The following FAM117B variants were observed in gnomAD, a reference collection of about 807,000 sequenced individuals.
FAM117B encodes family with sequence similarity 117 member B.
In FAM117B, 22 loss-of-function variants were observed where a neutral mutation model predicts 52.8. The ratio of observed to expected loss-of-function variants is 0.42; its 90% CI spans 0.30 to 0.59. The LOEUF (loss-of-function observed/expected upper bound fraction) is 0.59, where lower values mean the gene tolerates loss of function less well. Ranked by LOEUF, FAM117B falls within the 20% of genes least tolerant of loss-of-function variation. The probability of loss-of-function intolerance (pLI) is 0.22; values close to 1 mark genes in which losing one functional copy is unlikely to be tolerated. For synonymous variants in FAM117B, 309 were observed against 324.1 expected, an observed-to-expected ratio of 0.95 and a Z score of 0.50; for missense variants, 678 against 802.6, an observed-to-expected ratio of 0.84 and a Z score of 1.88.
chr2:202,700,150 A>C (rs1385248563), intron 2 of FAM117B, among the ~76,000 whole-genome samples: 1 of 152,184 alleles, frequency 6.6e-6, no homozygotes, highest in East Asian at 1.9e-4. Context: ...AATGCCCTCT[A>C]AGGGTCAAGT....
In FAM117B at chr2:202,688,972, T is replaced by C. The variant is rs188699601; in HGVS notation, c.602-6909T>C. On this transcript the variant is annotated intron_variant, in intron 1 of 7. Coordinates refer to ENST00000392238, the MANE Select transcript of FAM117B (RefSeq NM_173511.4). Reference sequence around the variant, plus strand: ...TACCAAATAGGATAATGTACAAGTATTAAACATAGTGATGTGTTGTAGATT... The same window carrying C: ...TACCAAATAGGATAATGTACAAGTACTAAACATAGTGATGTGTTGTAGATT... 3.3e-5 allele frequency among the ~76,000 whole-genome samples: 5 copies of C among 152,356 alleles called. No homozygotes were observed. In the East Asian group the frequency reaches 9.6e-4, roughly 29 times the overall value.
Position 202,725,018 on chromosome 2 carries a change from A to C in FAM117B, c.846+9A>C, listed in dbSNP as rs1257501673. The C allele has an allele frequency of 1.2e-6, 2 of 1,604,168 alleles. No homozygotes were observed. Among genetic ancestry groups the C allele is most frequent in the Admixed American group, 3.4e-5 (2 of 59,468 alleles). On this transcript the variant is annotated intron_variant, in intron 3 of 7. Transcript: ENST00000392238. ...CAGATCAACTTAAGGAGGTCAGAAA[A>C]ATGGTTCTAAGATAGTGGGTGTGGA... is the stretch of plus-strand genomic sequence containing the variant.
intron 1 of FAM117B, among the ~76,000 whole-genome samples, chr2:202,691,574 A>G (rs1267192605): frequency 1.3e-5 from 2 of 151,948 alleles, no homozygotes; most frequent in East Asian, 3.9e-4. Context: ...CTGAAGCAAC[A>G]ATGGTCATAG....
At chr2:202,752,408 T>A (rs1382813500) in intron 4 of FAM117B, among the ~76,000 whole-genome samples, 1 of 147,376 alleles carries the variant, frequency 6.8e-6, no homozygotes, top group African/African-American at 2.5e-5. Flanking sequence ...GTATTTATTA[T>A]GCTTTTTCTT....
intron 1 of FAM117B, among the ~76,000 whole-genome samples, chr2:202,669,443 A>T (rs1559098418): frequency 6.6e-6 from 1 of 152,176 alleles, no homozygotes; most frequent in Non-Finnish European, 1.5e-5. Flanking sequence ...GCAATAAAAA[A>T]GATTAGCTTT....
intron 1 of FAM117B, among the ~76,000 whole-genome samples, chr2:202,695,655 G>A (rs1422815295): frequency 2.0e-5 from 3 of 152,136 alleles, no homozygotes; most frequent in African/African-American, 7.2e-5. Context: ...TAACTTACAA[G>A]TTAAACTTTA....
intron 1 of FAM117B, among the ~76,000 whole-genome samples, chr2:202,661,192 G>A (rs371689149): frequency 6.6e-6 from 1 of 152,018 alleles, no homozygotes; most frequent in East Asian, 1.9e-4. Flanking sequence ...TTGAATCCTC[G>A]GAGGACTCCA....
intron 4 of FAM117B, among the ~76,000 whole-genome samples, chr2:202,733,513 C>T (rs779774058): frequency 2.6e-5 from 4 of 152,078 alleles, no homozygotes; most frequent in African/African-American, 4.8e-5. Flanking sequence ...TTATAGACCT[C>T]CCCCCAGGAA....
At chr2:202,677,753 A>G (rs1419774944) in intron 1 of FAM117B, among the ~76,000 whole-genome samples, 4 of 152,210 alleles carry the variant, frequency 2.6e-5, no homozygotes, top group African/African-American at 7.2e-5. Context: ...TGTGCTCACT[A>G]CTAGCACCTA....
chr2:202,670,853 A>G (rs1690287644), intron 1 of FAM117B, among the ~76,000 whole-genome samples: 1 of 152,236 alleles, frequency 6.6e-6, no homozygotes, highest in Non-Finnish European at 1.5e-5. Context: ...ACCAAAAGAC[A>G]GGAAGGTCTG....
At position 202,635,477 on chromosome 2, in the gene FAM117B, G is replaced by A; in HGVS notation, c.290G>A (p.Gly97Asp). The A allele has an allele frequency of 9.5e-7, 1 of 1,049,180 alleles. No homozygotes were observed. The highest frequency in any genetic ancestry group is 1.1e-6 in the Non-Finnish European group (1 of 874,304). 65.0% of individuals were successfully genotyped at this position (1,049,180 alleles called of 1,614,324 possible). The change falls in exon 1 of 8, where the codon GGC (glycine) becomes GAC (aspartate). Residue 97 changes from glycine to aspartate, a missense_variant. Around this residue, in one of 3 missense-constraint regions of FAM117B, gnomAD observed 583 missense variants for 644.8 expected, o/e 0.90. Transcript: ENST00000392238. ...TASRSTSPTR[G>D]GGNAAARTSP... ...TCGCGCAGCACCAGCCCCACGCGCGGCGGCGGGAACGCGGCCGCGCGCACC... is the reference window on the plus strand; with the variant it reads ...TCGCGCAGCACCAGCCCCACGCGCGACGGCGGGAACGCGGCCGCGCGCACC...
intron 2 of FAM117B, among the ~76,000 whole-genome samples, chr2:202,724,319 A>G (rs2105786794): frequency 6.6e-6 from 1 of 152,312 alleles, no homozygotes; most frequent in East Asian, 1.9e-4. Context: ...CTGGGATTAC[A>G]GGCGTGAGCC....
At chr2:202,709,144 C>T (rs952658824) in intron 2 of FAM117B, among the ~76,000 whole-genome samples, 1 of 151,052 alleles carries the variant, frequency 6.6e-6, no homozygotes, top group Admixed American at 6.6e-5. Context: ...TGTGCATCTT[C>T]TTTGGAGAAA....
At chr2:202,678,096 C>T (rs188544272) in intron 1 of FAM117B, among the ~76,000 whole-genome samples, 21 of 152,058 alleles carry the variant, frequency 1.4e-4, no homozygotes, top group African/African-American at 4.6e-4. Context: ...ATTATCATAT[C>T]ATGTAATTAT....
intron 1 of FAM117B, among the ~76,000 whole-genome samples, chr2:202,673,064 G>T (rs1381927675): frequency 6.6e-6 from 1 of 152,020 alleles, no homozygotes; most frequent in Non-Finnish European, 1.5e-5. Flanking sequence ...AAAACAAAAA[G>T]GACTTAAAGT....
chr2:202,716,569 T>G (rs2105784206), intron 2 of FAM117B, among the ~76,000 whole-genome samples: 1 of 152,266 alleles, frequency 6.6e-6, no homozygotes, highest in Middle Eastern at 3.4e-3. Context: ...TGATTTGAGG[T>G]TACTACAAGG....
intron 1 of FAM117B, among the ~76,000 whole-genome samples, chr2:202,650,840 T>C (rs1211704471): frequency 1.3e-5 from 2 of 152,182 alleles, no homozygotes; most frequent in Non-Finnish European, 2.9e-5. Context: ...GCCTGCTTTA[T>C]TCTAGCCGCA....
intron 4 of FAM117B, among the ~76,000 whole-genome samples, chr2:202,733,212 G>A (rs554150410): frequency 1.5e-3 from 230 of 152,248 alleles, no homozygotes; most frequent in Non-Finnish European, 2.8e-3. Flanking sequence ...AAGATCACAT[G>A]CTATAAAGGG....
At chr2:202,664,661 A>G (rs1030862290) in intron 1 of FAM117B, among the ~76,000 whole-genome samples, 3 of 152,218 alleles carry the variant, frequency 2.0e-5, no homozygotes, top group African/African-American at 7.2e-5. Flanking sequence ...CCTGTTTAAA[A>G]TTTTGATAGT....
Sources: allele counts gnomAD v4.1 joint callset (sites outside exome capture counted in the v4.1 genomes callset), GRCh38; gene constraint gnomAD v4.1.1; regional missense constraint gnomAD v4.1.1; transcripts MANE v1.5; gene names NCBI Gene and HGNC (gene_info 2026-07-23, HGNC 2026-07-21).